The following STAG1 variants were observed in gnomAD, a reference collection of about 807,000 sequenced individuals.
The protein encoded by STAG1 is STAG1 cohesin complex component.
STAG1 carries 26 observed loss-of-function variants against 170.9 expected under a neutral mutation model. That is an observed-to-expected ratio of 0.15 (90% CI 0.11 to 0.21). The LOEUF is 0.21. Among genes scored for constraint, STAG1 ranks in the 10% least tolerant of loss-of-function variants. The pLI, the probability that STAG1 is intolerant of heterozygous loss-of-function variation, is 1.00. For missense variants in STAG1, 964 were observed against 1,509.5 expected (o/e 0.64, Z 5.99); for synonymous variants, 514 against 497.7 (o/e 1.03, Z -0.44).
intron 3 of STAG1, among the ~76,000 whole-genome samples, chr3:136,606,538 A>G (rs1256695573): frequency 6.6e-6 from 1 of 152,136 alleles, no homozygotes; most frequent in African/African-American, 2.4e-5. Flanking sequence ...GAGTCCATCC[A>G]GGATACAATA....
intron 1 of STAG1, among the ~76,000 whole-genome samples, chr3:136,641,747 G>A (rs923113269): frequency 1.6e-4 from 24 of 152,160 alleles, no homozygotes; most frequent in African/African-American, 5.8e-4. Context: ...GACAACTGAT[G>A]ACATTTGAAT....
intron 9 of STAG1, among the ~76,000 whole-genome samples, chr3:136,499,336 T>C (rs1010157160): frequency 2.0e-5 from 3 of 151,990 alleles, no homozygotes; most frequent in Non-Finnish European, 4.4e-5. Context: ...AAGTGCACAC[T>C]ACCACACCGG....
chr3:136,675,049 T>A (rs1229741653), intron 1 of STAG1, among the ~76,000 whole-genome samples: 1 of 152,204 alleles, frequency 6.6e-6, no homozygotes, highest in Non-Finnish European at 1.5e-5. Flanking sequence ...GTATTCAAGT[T>A]GGTTTCATAA....
chr3:136,737,548 AT>A (rs1306946236), intron 1 of STAG1, among the ~76,000 whole-genome samples: 1 of 152,154 alleles, frequency 6.6e-6, no homozygotes, highest in Admixed American at 6.5e-5. Flanking sequence ...TTGCCTCTGC[AT>A]TTTATGTTCA....
intron 6 of STAG1, among the ~76,000 whole-genome samples, chr3:136,529,055 T>C (rs1337656749): frequency 6.6e-6 from 1 of 152,020 alleles, no homozygotes; most frequent in South Asian, 2.1e-4. Context: ...AACAAAAGAC[T>C]GGATCAAGCA....
At chr3:136,586,204 TAAATA>T (rs1937809853) in intron 4 of STAG1, among the ~76,000 whole-genome samples, 1 of 151,964 alleles carries the variant, frequency 6.6e-6, no homozygotes, top group Non-Finnish European at 1.5e-5. Context: ...TCCTAAACAT[TAAATA>T]AAACCAGTAA....
At chr3:136,472,119 G>A (rs67082054) in intron 12 of STAG1, among the ~76,000 whole-genome samples, 25,155 of 152,064 alleles carry the variant, frequency 0.17, 3,434 homozygotes, top group African/African-American at 0.38. Context: ...TTTTAGGCAG[G>A]AGCCAACATA....
At chr3:136,526,484 T>A (rs1576567621) in intron 6 of STAG1, among the ~76,000 whole-genome samples, 2 of 152,348 alleles carry the variant, frequency 1.3e-5, no homozygotes, top group African/African-American at 2.4e-5. Context: ...TGAGCCTACG[T>A]GTGTCTCTGC....
chr3:136,346,797 A>C (rs968227906), intron 29 of STAG1, among the ~76,000 whole-genome samples: 3 of 152,248 alleles, frequency 2.0e-5, no homozygotes, highest in Non-Finnish European at 2.9e-5. Flanking sequence ...TTGGCTAATA[A>C]GAATATTACA....
At chr3:136,660,955 G>A (rs1236466821) in intron 1 of STAG1, among the ~76,000 whole-genome samples, 2 of 152,076 alleles carry the variant, frequency 1.3e-5, no homozygotes, top group African/African-American at 2.4e-5. Context: ...GGCAACAAGC[G>A]AGACCCTGTC....
intron 16 of STAG1, among the ~76,000 whole-genome samples, chr3:136,430,689 C>A (rs1271162004): frequency 6.7e-6 from 1 of 150,358 alleles, no homozygotes; most frequent in Non-Finnish European, 1.5e-5. Flanking sequence ...TTGTGTTGGG[C>A]TGCATTCAAA....
chr3:136,460,066 A>G (rs191028956), intron 13 of STAG1, among the ~76,000 whole-genome samples: 1 of 152,300 alleles, frequency 6.6e-6, no homozygotes, highest in African/African-American at 2.4e-5. Flanking sequence ...AATACAAAAG[A>G]CCAATGAAAC....
chr3:136,392,777 A>T (rs1039008650), intron 22 of STAG1, among the ~76,000 whole-genome samples: 1 of 151,560 alleles, frequency 6.6e-6, no homozygotes, highest in East Asian at 1.9e-4. Context: ...AAAAAAAAAA[A>T]AAAAAAAAGA....
intron 16 of STAG1, among the ~76,000 whole-genome samples, chr3:136,426,558 G>A (rs1044191594): frequency 6.6e-6 from 1 of 152,146 alleles, no homozygotes; most frequent in East Asian, 1.9e-4. Flanking sequence ...TGAATCTATT[G>A]TAAGAACTTA....
chr3:136,601,642 C>A (rs1938681407), intron 4 of STAG1, among the ~76,000 whole-genome samples: 1 of 152,000 alleles, frequency 6.6e-6, no homozygotes, highest in Non-Finnish European at 1.5e-5. Context: ...CGGTGAAAGC[C>A]TATCTCTACT....
intron 1 of STAG1, chr3:136,721,604 A>G (rs1278785122): frequency 6.6e-6 from 1 of 152,190 alleles, no homozygotes; most frequent in Non-Finnish European, 1.5e-5. Flanking sequence ...GAATTACACT[A>G]TGGGGCCGGG....
chr3:136,705,696 C>T (rs1258577850), intron 1 of STAG1, among the ~76,000 whole-genome samples: 2 of 152,146 alleles, frequency 1.3e-5, no homozygotes, highest in Non-Finnish European at 1.5e-5. Context: ...TGTGACTTTA[C>T]TCCTCCTTTG....
intron 1 of STAG1, among the ~76,000 whole-genome samples, chr3:136,735,877 G>A (rs1012309570): frequency 3.3e-5 from 5 of 152,230 alleles, no homozygotes; most frequent in African/African-American, 1.2e-4. Flanking sequence ...ACTGGGTGGA[G>A]GACGGCTAGC....
chr3:136,485,294 A>G lies in STAG1; in HGVS notation c.903-7882T>C, dbSNP rs576179191. 1.5e-4 allele frequency among the ~76,000 whole-genome samples: 23 copies of G among 152,044 alleles called. No homozygotes were observed. In the East Asian group the frequency reaches 4.3e-3, roughly 28 times the overall value. On this transcript the variant is annotated intron_variant, in intron 9 of 33. Coordinates refer to ENST00000383202, the MANE Select transcript of STAG1 (RefSeq NM_005862.3). ...AACATGGTGAAACACCATCTCTACT[A>G]AAAATACAAAAAATTAGCTGGGCGT...
Sources: gnomAD v4.1 joint callset for allele counts (sites outside exome capture counted in the v4.1 genomes callset) on GRCh38, gnomAD v4.1.1 for gene constraint, MANE v1.5 for transcripts, NCBI Gene and HGNC (gene_info 2026-07-23, HGNC 2026-07-21) for gene names.